IMMT: variants seen among roughly 807,000 people sequenced by gnomAD.
IMMT encodes the protein MICOS complex subunit MIC60.
IMMT carries 40 observed loss-of-function variants against 92.7 expected under a neutral mutation model. The ratio of observed to expected loss-of-function variants is 0.43; its 90% CI spans 0.34 to 0.56. IMMT has a LOEUF of 0.56. IMMT is among the 20% of genes least tolerant of loss of function. The pLI is 0.03. For synonymous variants in IMMT, 322 were observed against 336.1 expected, an observed-to-expected ratio of 0.96 and a Z score of 0.46; for missense variants, 831 against 912.1, an observed-to-expected ratio of 0.91 and a Z score of 1.14.
intron 1 of IMMT, among the ~76,000 whole-genome samples, chr2:86,189,831 T>C (rs1187714800): frequency 6.6e-6 from 1 of 152,236 alleles, no homozygotes; most frequent in Admixed American, 6.5e-5. Context: ...TGCATTAAGG[T>C]TAAAAAGTAT....
At chr2:86,189,594 G>A (rs1487513844) in intron 1 of IMMT, among the ~76,000 whole-genome samples, 1 of 152,168 alleles carries the variant, frequency 6.6e-6, no homozygotes, top group African/African-American at 2.4e-5. Flanking sequence ...CCTGTAGTAT[G>A]AGCTGCCTCA....
intron 12 of IMMT, among the ~76,000 whole-genome samples, chr2:86,149,898 A>G (rs76624799): frequency 1.3e-5 from 2 of 150,680 alleles, no homozygotes; most frequent in African/African-American, 4.9e-5. Flanking sequence ...AAAAAAAAAA[A>G]GAAAGAAAAA....
chr2:86,179,819 G>A (rs1184197891), intron 2 of IMMT, among the ~76,000 whole-genome samples, 197 bp from the exon 3 acceptor site: 1 of 152,116 alleles, frequency 6.6e-6, no homozygotes, highest in Non-Finnish European at 1.5e-5. Flanking sequence ...ACCAAAAATA[G>A]TATTTATTCA....
chr2:86,170,881 A>G (rs1425714862), intron 5 of IMMT, 37 bp from the exon 6 acceptor site: 21 of 1,473,872 alleles, frequency 1.4e-5, no homozygotes, highest in Non-Finnish European at 1.9e-5. Context: ...ATCAAATTTC[A>G]GCATAGAATT....
intron 7 of IMMT, among the ~76,000 whole-genome samples, chr2:86,164,062 T>C: frequency 7.7e-6 from 1 of 129,886 alleles, no homozygotes; most frequent in Admixed American, 7.7e-5. Context: ...ATTTTTTTTT[T>C]TTTTTTTTTT....
Position 86,161,907 on chromosome 2 carries a change from A to C in IMMT, c.896+69T>G, listed in dbSNP as rs1676305615. 5.2e-6 allele frequency: 5 copies of C among 966,858 alleles called. No individual in the cohort carries two copies. The Admixed American group carries it at 1.0e-4, about 19-fold the overall frequency. 59.9% of individuals were successfully genotyped at this position (966,858 alleles called of 1,614,324 possible). On this transcript the variant is annotated intron_variant, in intron 8 of 14. Transcript: ENST00000410111. ...CCTCTTTATTCTATACAGACAATAC[A>C]AAGAAAACCCGGCCCAAAGAAAGCC...
At chr2:86,153,304 T>TACAC (rs10572745) in intron 11 of IMMT, among the ~76,000 whole-genome samples, 7,295 of 143,828 alleles carry the variant, frequency 0.051, 259 homozygotes, top group East Asian at 0.12. Flanking sequence ...CAATCCATAT[T>TACAC]ACACACACAC....
At position 86,155,889 on chromosome 2, in the gene IMMT, T is replaced by G. The variant is rs769322282; in HGVS notation, c.1163-2315A>C. 4.6e-5 allele frequency among the ~76,000 whole-genome samples: 7 copies of G among 152,154 alleles called. No homozygotes were observed. In the East Asian group the frequency reaches 1.3e-3, roughly 29 times the overall value. ...AGAAATCAGTAATACCGGTTGTCCCTGAGGAGGAAAACTGTGAGAGGGAAA... is the reference window on the plus strand; with the variant it reads ...AGAAATCAGTAATACCGGTTGTCCCGGAGGAGGAAAACTGTGAGAGGGAAA... On this transcript the variant is annotated intron_variant, in intron 10 of 14. Coordinates refer to ENST00000410111, the MANE Select transcript of IMMT (RefSeq NM_006839.3).
chr2:86,163,245 G>A (rs1384574421), intron 7 of IMMT, among the ~76,000 whole-genome samples: 1 of 152,088 alleles, frequency 6.6e-6, no homozygotes, highest in African/African-American at 2.4e-5. Flanking sequence ...ATTTGAGCCT[G>A]GGATGAGGCC....
intron 12 of IMMT, among the ~76,000 whole-genome samples, chr2:86,148,412 T>G (rs1675198563): frequency 6.6e-6 from 1 of 152,010 alleles, no homozygotes; most frequent in Admixed American, 6.6e-5. Flanking sequence ...ATTGAGACTA[T>G]CCTGACTAAA....
intron 5 of IMMT, 97 bp downstream of exon 5, chr2:86,171,111 T>C (rs1274130915): frequency 9.3e-7 from 1 of 1,075,070 alleles, no homozygotes; most frequent in African/African-American, 1.6e-5. Context: ...CTAAACCTAG[T>C]GTAAATGTAT....
At chr2:86,178,440 C>G (rs1167231617) in intron 3 of IMMT, among the ~76,000 whole-genome samples, 1 of 151,132 alleles carries the variant, frequency 6.6e-6, no homozygotes, top group Non-Finnish European at 1.5e-5. Flanking sequence ...GCCTGGACAA[C>G]ATGGTAAAAC....
chr2:86,150,956 G>A (rs1675428033), intron 12 of IMMT, among the ~76,000 whole-genome samples: 3 of 148,154 alleles, frequency 2.0e-5, no homozygotes, highest in East Asian at 4.0e-4. Context: ...TTGCTCCATC[G>A]CCCAAGCTGG....
In IMMT at chr2:86,164,951, A is replaced by T. The variant is rs561053723; in HGVS notation, c.792+1557T>A. Among the ~76,000 whole-genome samples the T allele has an allele frequency of 1.8e-4, 28 of 152,304 alleles. No individual in the cohort carries two copies. The South Asian group carries it at 5.8e-3, about 32-fold the overall frequency. On this transcript the variant is annotated intron_variant, in intron 7 of 14. Transcript: ENST00000410111. ...TGAAAGTTATTCAGTATATATTAGAAATTACATGTGCACCTGTAGCTTCTT... is the reference window on the plus strand; with the variant it reads ...TGAAAGTTATTCAGTATATATTAGATATTACATGTGCACCTGTAGCTTCTT...
rs530038971 is a variant in IMMT, at chr2:86,187,780, C to T, written c.46-6408G>A. Among the ~76,000 whole-genome samples the T allele has an allele frequency of 9.9e-5, 15 of 151,912 alleles. No individual in the cohort carries two copies. In the East Asian group the frequency reaches 1.8e-3, roughly 18 times the overall value. Reference sequence around the variant, plus strand: ...ATACAAAATTAGCTGGGCGTGGTGGCGCATGCCTGTAATCCCAGCTACTCG... The same window carrying T: ...ATACAAAATTAGCTGGGCGTGGTGGTGCATGCCTGTAATCCCAGCTACTCG... On this transcript the variant is annotated intron_variant, in intron 1 of 14. Coordinates refer to ENST00000410111, the MANE Select transcript of IMMT (RefSeq NM_006839.3).
intron 10 of IMMT, among the ~76,000 whole-genome samples, chr2:86,155,584 A>T (rs1441531816): frequency 6.6e-6 from 1 of 152,248 alleles, no homozygotes. Context: ...ACCACTAGCT[A>T]TTATTGCGTT....
intron 7 of IMMT, 108 bp from the exon 8 acceptor site, chr2:86,162,187 T>A (rs1676333533): frequency 1.2e-5 from 8 of 655,388 alleles, no homozygotes; most frequent in South Asian, 1.2e-4. Context: ...AAGGTAAAAA[T>A]TTATATGCAA....
intron 3 of IMMT, among the ~76,000 whole-genome samples, chr2:86,177,142 G>A (rs1226027866): frequency 2.6e-5 from 4 of 152,100 alleles, no homozygotes; most frequent in Non-Finnish European, 5.9e-5. Context: ...ATACTGGACA[G>A]TAAGTCCACC....
chr2:86,157,982 G>C (rs1675983925), intron 10 of IMMT, among the ~76,000 whole-genome samples: 1 of 152,040 alleles, frequency 6.6e-6, no homozygotes, highest in Admixed American at 6.6e-5. Flanking sequence ...TAATTTTGCT[G>C]AGACAGGTGA....
Sources: allele counts gnomAD v4.1 joint callset (sites outside exome capture counted in the v4.1 genomes callset), GRCh38; gene constraint gnomAD v4.1.1; transcripts MANE v1.5; gene names NCBI Gene and HGNC (gene_info 2026-07-23, HGNC 2026-07-21).